The following PHLPP1 variants were observed in gnomAD, a reference collection of about 807,000 sequenced individuals.
PHLPP1 encodes the protein PH domain and leucine rich repeat protein phosphatase 1, also known as PH domain leucine-rich repeat-containing protein phosphatase 1.
Under a neutral mutation model 117.2 loss-of-function variants are expected in PHLPP1, and 42 were observed. That is an observed-to-expected ratio of 0.36 (90% CI 0.28 to 0.46). The LOEUF is 0.46. Ranked by LOEUF, PHLPP1 falls within the 20% of genes least tolerant of loss-of-function variation. PHLPP1 has a pLI of 1.00. For missense variants in PHLPP1, 2,084 were observed against 2,241.9 expected, an observed-to-expected ratio of 0.93 and a Z score of 1.42; for synonymous variants, 1,042 against 970.7, an observed-to-expected ratio of 1.07 and a Z score of -1.37.
chr18:62,825,903 G>T (rs1303977806), intron 1 of PHLPP1, among the ~76,000 whole-genome samples: 1 of 152,076 alleles, frequency 6.6e-6, no homozygotes, highest in Non-Finnish European at 1.5e-5. Flanking sequence ...TAAACTATGT[G>T]AAAGAAGAGA....
chr18:62,844,189 T>C (rs1269794190), intron 3 of PHLPP1, among the ~76,000 whole-genome samples: 2 of 152,014 alleles, frequency 1.3e-5, no homozygotes, highest in Admixed American at 6.6e-5. Flanking sequence ...ATACAAAAAT[T>C]AGCTGGGCAT....
At chr18:62,839,039 AT>A in intron 3 of PHLPP1, 130 bp downstream of exon 3, 1 of 937,602 alleles carries the variant, frequency 1.1e-6, no homozygotes, top group Non-Finnish European at 1.6e-6. Context: ...ACTGCCAGTG[AT>A]TAGCAATTTT....
chr18:62,768,158 A>C (rs1179964859), intron 1 of PHLPP1, among the ~76,000 whole-genome samples: 3 of 152,250 alleles, frequency 2.0e-5, no homozygotes, highest in Non-Finnish European at 4.4e-5. Context: ...GTCTAAAGTT[A>C]AAAGTTTGAG....
At chr18:62,824,649 A>C (rs535883317) in intron 1 of PHLPP1, among the ~76,000 whole-genome samples, 4 of 152,206 alleles carry the variant, frequency 2.6e-5, no homozygotes, top group Non-Finnish European at 5.9e-5. Flanking sequence ...CTGTAAAAAA[A>C]AGTGGAAGAT....
At position 62,895,810 on chromosome 18, in the gene PHLPP1, T is replaced by G. The variant is rs1480599215; in HGVS notation, c.2243T>G (p.Phe748Cys). Residue 748 changes from phenylalanine to cysteine, a missense_variant, in exon 6 of 17, where the codon TTT (phenylalanine) becomes TGT (cysteine). By Grantham distance (205) the Phe-to-Cys change is radical. This residue lies in a region of PHLPP1 where 1,365 missense variants were observed against 1,605.9 expected (regional missense o/e 0.85). Coordinates refer to ENST00000262719, the MANE Select transcript of PHLPP1 (RefSeq NM_194449.4). ...CAGACATTTTTGTTGGATGGAAACT[T>G]TCTCCAATCCCTTCCTGCTGAGTTG... The part of the protein sequence containing the change: ...NLQTFLLDGN[F>C]LQSLPAELEN... 6.2e-7 allele frequency: 1 copy of G among 1,612,462 alleles called. No individual in the cohort carries two copies. Among genetic ancestry groups the G allele is most frequent in the Non-Finnish European group, 8.5e-7 (1 of 1,178,472 alleles).
At chr18:62,833,702 T>TACTA (rs1187161351) in intron 2 of PHLPP1, among the ~76,000 whole-genome samples, 1 of 152,258 alleles carries the variant, frequency 6.6e-6, no homozygotes, top group East Asian at 1.9e-4. Flanking sequence ...ATAATAAGAT[T>TACTA]ACATGTTACT....
intron 4 of PHLPP1, among the ~76,000 whole-genome samples, chr18:62,865,158 A>G (rs530071739): frequency 2.0e-5 from 3 of 152,258 alleles, no homozygotes; most frequent in South Asian, 4.1e-4. Flanking sequence ...CCCCATCTCT[A>G]TAAAGAAAAA....
chr18:62,959,100 T>C (rs1229709822), intron 13 of PHLPP1, among the ~76,000 whole-genome samples: 1 of 152,240 alleles, frequency 6.6e-6, no homozygotes, highest in Admixed American at 6.5e-5. Context: ...AATAGTTAGA[T>C]CTTCACGGTT....
chr18:62,978,953 A>G lies in PHLPP1; in HGVS notation c.4676A>G (p.Asn1559Ser). 1 of 1,610,484 alleles carries G rather than the reference A, an allele frequency of 6.2e-7. No individual in the cohort carries two copies. Among genetic ancestry groups the G allele is most frequent in the African/African-American group, 1.3e-5 (1 of 74,956 alleles). ...GAGCCCATCGAGGGCGTCTTCACCA[A>G]CGGCAGCCGGGTGGAGGTGGAGGTG... ...DEEPIEGVFT[N>S]GSRVEVEVDI... The change falls in exon 17 of 17, where the codon AAC (asparagine) becomes AGC (serine). Residue 1559 changes from asparagine (N) to serine (S), a missense_variant. By Grantham distance (46) the Asn-to-Ser change is conservative. This residue lies in a region of PHLPP1 where 1,365 missense variants were observed against 1,605.9 expected (regional missense o/e 0.85). Transcript: ENST00000262719. This position sits in a 1 kb window ranked among gnomAD's most constrained non-coding sequence, Gnocchi z 7.0.
chr18:62,810,649 A>G (rs1914086351), intron 1 of PHLPP1, among the ~76,000 whole-genome samples: 1 of 152,184 alleles, frequency 6.6e-6, no homozygotes, highest in Non-Finnish European at 1.5e-5. Flanking sequence ...ATCTTACTAT[A>G]CCATTCATAT....
chr18:62,748,093 C>T (rs1182292131), intron 1 of PHLPP1, among the ~76,000 whole-genome samples: 2 of 150,966 alleles, frequency 1.3e-5, no homozygotes, highest in Non-Finnish European at 1.5e-5. Flanking sequence ...GTATTTCATT[C>T]ATCTTCTATA....
In PHLPP1 at chr18:62,717,090, C is replaced by G; in HGVS notation, c.1407C>G (p.Pro469=). 1.2e-5 allele frequency: 18 copies of G among 1,553,560 alleles called. No individual in the cohort carries two copies. Among genetic ancestry groups the G allele is most frequent in the Non-Finnish European group, 1.6e-5 (18 of 1,149,608 alleles). ...AGGCGCCTCCGCCGCCCCCGCCGCC[C>G]ACCCTGTACGTGCAGCTCCACGGAG... ...AEKAPPPPPP[P]TLYVQLHGET... is the part of the protein sequence containing the mutation. Residue 469 remains proline, a synonymous_variant, in exon 1 of 17, where the codon CCC becomes CCG. Coordinates refer to ENST00000262719, the MANE Select transcript of PHLPP1 (RefSeq NM_194449.4).
At chr18:62,746,097 G>A (rs962771977) in intron 1 of PHLPP1, among the ~76,000 whole-genome samples, 3 of 151,924 alleles carry the variant, frequency 2.0e-5, no homozygotes, top group Admixed American at 6.6e-5. Context: ...AGGCTGGAGT[G>A]CAATGGCGTG....
intron 10 of PHLPP1, among the ~76,000 whole-genome samples, chr18:62,940,397 C>T (rs555858228): frequency 2.9e-5 from 3 of 105,108 alleles, no homozygotes; most frequent in Non-Finnish European, 5.2e-5. Flanking sequence ...TGGAATCTCG[C>T]TCTGTCGCCC....
intron 1 of PHLPP1, among the ~76,000 whole-genome samples, chr18:62,735,521 A>C (rs1020115933): frequency 6.6e-6 from 1 of 152,028 alleles, no homozygotes; most frequent in African/African-American, 2.4e-5. Context: ...ATTGCTTCCT[A>C]CTTTTATAGA....
chr18:62,905,294 CA>C lies in PHLPP1; in HGVS notation c.2708+12del. The C allele has an allele frequency of 6.8e-7, 1 of 1,466,236 alleles. No homozygotes were observed. Among genetic ancestry groups the C allele is most frequent in the Non-Finnish European group, 9.1e-7 (1 of 1,094,374 alleles). The allele number at this position is 1,466,236 out of a possible 1,614,324, so 90.8% of individuals were successfully genotyped here. A position where few individuals can be genotyped will look rare whatever the true frequency, so the allele number is the denominator to read the frequency against. On this transcript the variant is annotated intron_variant, in intron 8 of 16. Coordinates refer to ENST00000262719, the MANE Select transcript of PHLPP1 (RefSeq NM_194449.4). ...ACATGGATGTTTCAAGGTAAGAAGT[CA>C]AGTCTTAGAGCCCTCTAGAGTCTAC...
intron 1 of PHLPP1, among the ~76,000 whole-genome samples, chr18:62,822,505 C>T (rs557381899): frequency 3.0e-4 from 46 of 151,834 alleles, no homozygotes; most frequent in African/African-American, 9.2e-4. Context: ...AGGATGGTCT[C>T]GATCTCCTAA....
chr18:62,765,637 A>C (rs561179953), intron 1 of PHLPP1, among the ~76,000 whole-genome samples: 108 of 152,298 alleles, frequency 7.1e-4, no homozygotes, highest in African/African-American at 2.6e-3. Context: ...GTAGATCTAC[A>C]GGGTAAAGCA....
Position 62,979,708 on chromosome 18 carries a change from A to G in PHLPP1, c.*277A>G, listed in dbSNP as rs1911320639. Reference sequence around the variant, plus strand: ...AAAGACAAAGAACAAAAGGTTTAATATATTACAGAGAAACAGTTAATGATA... The same window carrying G: ...AAAGACAAAGAACAAAAGGTTTAATGTATTACAGAGAAACAGTTAATGATA... On this transcript the variant is annotated 3_prime_UTR_variant, in exon 17 of 17. Transcript: ENST00000262719. The G allele has an allele frequency of 2.4e-6, 1 of 415,734 alleles. No individual in the cohort carries two copies. Among genetic ancestry groups the G allele is most frequent in the African/African-American group, 2.0e-5 (1 of 49,600 alleles). The allele number at this position is 415,734 out of a possible 1,614,324, so 25.8% of individuals were successfully genotyped here.
Sources: allele counts gnomAD v4.1 joint callset (sites outside exome capture counted in the v4.1 genomes callset), GRCh38; gene constraint gnomAD v4.1.1; regional missense constraint gnomAD v4.1.1; non-coding constraint Gnocchi (gnomAD v3.1); transcripts MANE v1.5; gene names NCBI Gene and HGNC (gene_info 2026-07-23, HGNC 2026-07-21).